The following BMPR1B variants were observed in gnomAD, a reference collection of about 807,000 sequenced individuals.
BMPR1B encodes the protein bone morphogenetic protein receptor type-1B.
In BMPR1B, 12 loss-of-function variants were observed where a neutral mutation model predicts 59.1. The observed-to-expected ratio is 0.20, with a 90% CI of 0.13 to 0.33. BMPR1B has a LOEUF of 0.33. BMPR1B is among the 10% of genes least tolerant of loss of function. BMPR1B has a pLI of 1.00. For synonymous variants in BMPR1B, 237 were observed against 207.3 expected (o/e 1.14, Z -1.23); for missense variants, 550 against 610.9 (o/e 0.90, Z 1.05).
chr4:95,001,338 CTTAAT>C, intron 3 of BMPR1B, among the ~76,000 whole-genome samples: 3 of 124,506 alleles, frequency 2.4e-5, no homozygotes, highest in Non-Finnish European at 5.0e-5. Context: ...TGCATTATTT[CTTAAT>C]TCCTGGAAGA....
Position 95,047,058 on chromosome 4 carries a change from A to C in BMPR1B, c.-18+50924A>C, listed in dbSNP as rs142095927. ...GCTATGAAACTCATTTTTTAAAATA[A>C]ACTTTTTATTTTATAATTGATTTAG... On this transcript the variant is annotated intron_variant, in intron 3 of 12. Transcript: ENST00000515059. Among the ~76,000 whole-genome samples the C allele has an allele frequency of 2.2e-4, 33 of 152,288 alleles. No homozygotes were observed. The East Asian group carries it at 5.4e-3, about 25-fold the overall frequency.
intron 4 of BMPR1B, among the ~76,000 whole-genome samples, chr4:95,114,302 C>T (rs138348263): frequency 6.6e-6 from 1 of 152,224 alleles, no homozygotes; most frequent in African/African-American, 2.4e-5. Context: ...TACTCAAGCC[C>T]CCTGAGCCTC....
intron 1 of BMPR1B, among the ~76,000 whole-genome samples, chr4:94,849,667 G>A (rs1436090125): frequency 1.3e-5 from 2 of 151,998 alleles, no homozygotes; most frequent in Admixed American, 6.6e-5. Context: ...CAGGGACAGG[G>A]GGATGGGCTC....
intron 1 of BMPR1B, among the ~76,000 whole-genome samples, chr4:94,781,757 A>G (rs1329370541): frequency 6.6e-6 from 1 of 152,174 alleles, no homozygotes; most frequent in Admixed American, 6.6e-5. Context: ...TTCGAAAGAT[A>G]GTTTTAGTGG....
At chr4:94,870,806 C>A (rs1726456751) in intron 1 of BMPR1B, among the ~76,000 whole-genome samples, 1 of 152,094 alleles carries the variant, frequency 6.6e-6, no homozygotes, top group South Asian at 2.1e-4. Context: ...AAAGATGTTA[C>A]AAAGAAGGGT....
In BMPR1B at chr4:94,838,696, C is replaced by T. The variant is rs1410388592; in HGVS notation, c.-182-37135C>T. On this transcript the variant is annotated intron_variant, in intron 1 of 12. Coordinates refer to ENST00000515059, the MANE Select transcript of BMPR1B (RefSeq NM_001203.3). The stretch of plus-strand genomic sequence containing the variant: ...TAGCGGTCTATCAATTTTGTTGATC[C>T]TTTCAAAAAACCAGCTCCTGGATTC... Among the ~76,000 whole-genome samples the T allele has an allele frequency of 3.6e-5, 5 of 138,654 alleles. No homozygotes were observed. The South Asian group carries it at 9.5e-4, about 26-fold the overall frequency. The allele number at this position is 138,654 out of a possible 152,430, so 91.0% of individuals were successfully genotyped here. A position where few individuals can be genotyped will look rare whatever the true frequency, so the allele number is the denominator to read the frequency against.
Position 95,131,430 on chromosome 4 carries a change from G to A in BMPR1B, c.994G>A (p.Asp332Asn). Residue 332 changes from aspartate to asparagine, a missense_variant, in exon 10 of 13, where the codon GAT becomes AAT. Coordinates refer to ENST00000515059, the MANE Select transcript of BMPR1B (RefSeq NM_001203.3). ...TQGKPAIAHRDLKSKNILVKK... is the reference protein window; with the variant it reads ...TQGKPAIAHRNLKSKNILVKK... ...AGGCAAACCAGCAATTGCCCATCGA[G>A]ATCTGAAAAGTAAAAACATTCTGGT... 6.2e-7 allele frequency: 1 copy of A among 1,614,054 alleles called. No homozygotes were observed.
rs372609469 is a variant in BMPR1B, at chr4:95,018,222, T to A, written c.-18+22088T>A. Among the ~76,000 whole-genome samples the A allele has an allele frequency of 2.6e-4, 40 of 152,324 alleles. No individual in the cohort carries two copies. In the South Asian group the frequency reaches 7.5e-3, roughly 28 times the overall value. On this transcript the variant is annotated intron_variant, in intron 3 of 12. Transcript: ENST00000515059. ...TTTGCTGATAATTTGCATTTTACAATACTGTTCTTAAAGGAAGTAATTTTA... is the reference window on the plus strand; with the variant it reads ...TTTGCTGATAATTTGCATTTTACAAAACTGTTCTTAAAGGAAGTAATTTTA...
intron 2 of BMPR1B, among the ~76,000 whole-genome samples, chr4:94,927,922 A>G (rs1000930008): frequency 6.6e-6 from 1 of 152,074 alleles, no homozygotes; most frequent in African/African-American, 2.4e-5. Flanking sequence ...AATCCATTGT[A>G]TTTGGCAGCT....
intron 3 of BMPR1B, among the ~76,000 whole-genome samples, chr4:95,093,538 GA>G (rs1465142987): frequency 6.6e-6 from 1 of 151,770 alleles, no homozygotes; most frequent in Non-Finnish European, 1.5e-5. Flanking sequence ...CTCTTCTTAT[GA>G]TTTTTTTATG....
At chr4:94,842,132 A>G (rs1725112243) in intron 1 of BMPR1B, among the ~76,000 whole-genome samples, 1 of 152,150 alleles carries the variant, frequency 6.6e-6, no homozygotes, top group African/African-American at 2.4e-5. Context: ...TATTTTTTAC[A>G]TGTTTTGTTT....
At chr4:94,761,983 G>A (rs902878390) in intron 1 of BMPR1B, among the ~76,000 whole-genome samples, 1 of 152,122 alleles carries the variant, frequency 6.6e-6, no homozygotes, top group Non-Finnish European at 1.5e-5. Context: ...TTTAGGCATA[G>A]AGTACAGAGA....
chr4:94,835,746 T>C (rs11947569), intron 1 of BMPR1B, among the ~76,000 whole-genome samples: 31,748 of 152,108 alleles, frequency 0.21, 3,494 homozygotes, highest in African/African-American at 0.24. Flanking sequence ...ATTTAGGAGT[T>C]ATCTAAATAA....
At chr4:94,995,386 A>G (rs1721994605) in intron 2 of BMPR1B, among the ~76,000 whole-genome samples, 1 of 12,826 alleles carries the variant, frequency 7.8e-5, no homozygotes, top group Non-Finnish European at 2.5e-4. Context: ...TTACGTTGAC[A>G]TATTTTTTTG....
chr4:94,935,991 ATTG>A (rs1323732799), intron 2 of BMPR1B, among the ~76,000 whole-genome samples: 2 of 151,796 alleles, frequency 1.3e-5, no homozygotes, highest in Non-Finnish European at 2.9e-5. Flanking sequence ...TTCCTGTATT[ATTG>A]TTATTTTTGT....
chr4:94,870,032 T>A (rs1324628579), intron 1 of BMPR1B, among the ~76,000 whole-genome samples: 2 of 152,208 alleles, frequency 1.3e-5, no homozygotes, highest in African/African-American at 4.8e-5. Flanking sequence ...AAAGTTATAT[T>A]AGAGAAGAAG....
Position 95,070,072 on chromosome 4 carries a change from C to T in BMPR1B, c.-17-34336C>T, listed in dbSNP as rs187164280. On this transcript the variant is annotated intron_variant, in intron 3 of 12. Coordinates refer to ENST00000515059, the MANE Select transcript of BMPR1B (RefSeq NM_001203.3). ...CAAGATTGCGCCATTGCACTCCAGC[C>T]TGGGCAACAAGAGAGAAACTGGGAA... is the stretch of plus-strand genomic sequence containing the variant. Among the ~76,000 whole-genome samples, 253 of 152,260 alleles carry T rather than the reference C, an allele frequency of 1.7e-3. 2 individuals are homozygous for T. The highest frequency in any genetic ancestry group is 5.9e-3 in the African/African-American group (246 of 41,538).
chr4:94,974,486 C>G (rs1254247181), intron 2 of BMPR1B, among the ~76,000 whole-genome samples: 2 of 152,120 alleles, frequency 1.3e-5, no homozygotes, highest in Non-Finnish European at 2.9e-5. Context: ...CCTGAAATCA[C>G]TGATGCAGGC....
At chr4:94,905,406 T>C (rs1399753264) in intron 2 of BMPR1B, among the ~76,000 whole-genome samples, 1 of 152,036 alleles carries the variant, frequency 6.6e-6, no homozygotes, top group Non-Finnish European at 1.5e-5. Context: ...TTGAAAACTA[T>C]AGTTTTTATA....
Sources: gnomAD v4.1 joint callset for allele counts (sites outside exome capture counted in the v4.1 genomes callset) on GRCh38, gnomAD v4.1.1 for gene constraint, MANE v1.5 for transcripts, NCBI Gene and HGNC (gene_info 2026-07-23, HGNC 2026-07-21) for gene names.